The following CRISPLD2 variants were observed in gnomAD, a reference collection of about 807,000 sequenced individuals.
CRISPLD2 encodes the protein cysteine-rich secretory protein LCCL domain-containing 2.
Under a neutral mutation model 71.1 loss-of-function variants are expected in CRISPLD2, and 47 were observed. The ratio of observed to expected loss-of-function variants is 0.66; its 90% confidence interval spans 0.52 to 0.84. The LOEUF (loss-of-function observed/expected upper bound fraction) is 0.84, where lower values mean the gene tolerates loss of function less well. CRISPLD2 is among the 40% of genes least tolerant of loss of function. The pLI, the probability that CRISPLD2 is intolerant of heterozygous loss-of-function variation, is 0.00. For missense variants in CRISPLD2, 830 were observed against 651.1 expected (o/e 1.27, Z -2.99); for synonymous variants, 317 against 250.1 (o/e 1.27, Z -2.52).
At chr16:84,898,126 G>C (rs1277236240) in intron 14 of CRISPLD2, among the ~76,000 whole-genome samples, 1 of 152,134 alleles carries the variant, frequency 6.6e-6, no homozygotes, top group Non-Finnish European at 1.5e-5. Context: ...AACAACACTA[G>C]AAAGAACATT....
rs922986590 is a variant in CRISPLD2 at position 84,873,285 on chromosome 16, C to G, written c.1112+163C>G. On this transcript the variant is annotated intron_variant, in intron 10 of 14. Transcript: ENST00000262424. ...CTGAGGTCAGGAGTTCAAGACCAGCCTGACCAACATGGTGAAAGTCCGTCT... is the reference window on the plus strand; with the variant it reads ...CTGAGGTCAGGAGTTCAAGACCAGCGTGACCAACATGGTGAAAGTCCGTCT... 5 of 695,822 alleles carry G rather than the reference C, an allele frequency of 7.2e-6. No individual in the cohort carries two copies. The African/African-American group carries it at 9.3e-5, about 13-fold the overall frequency. 43.1% of individuals were successfully genotyped at this position (695,822 alleles called of 1,614,324 possible). A position where few individuals can be genotyped will look rare whatever the true frequency, so the allele number is the denominator to read the frequency against.
At chr16:84,874,407 A>C (rs1198234927) in intron 11 of CRISPLD2, among the ~76,000 whole-genome samples, 1 of 152,212 alleles carries the variant, frequency 6.6e-6, no homozygotes, top group African/African-American at 2.4e-5. Flanking sequence ...AGTGTGTGGC[A>C]CTTACTTGCC....
Position 84,872,357 on chromosome 16 carries a change from C to G in CRISPLD2, c.915-85C>G, listed in dbSNP as rs1352966051. 12 of 1,082,944 alleles carry G rather than the reference C, an allele frequency of 1.1e-5. No individual in the cohort carries two copies. The East Asian group carries it at 1.7e-4, about 15-fold the overall frequency. 67.1% of individuals were successfully genotyped at this position (1,082,944 alleles called of 1,614,324 possible). On this transcript the variant is annotated intron_variant, in intron 8 of 14. Coordinates refer to ENST00000262424, the MANE Select transcript of CRISPLD2 (RefSeq NM_031476.4). ...AGCTTTTCTATATTTAGTAATAGAG[C>G]CATCGATGAAAAAAATGATAAACTC... is the stretch of plus-strand genomic sequence containing the variant.
At chr16:84,826,141 G>A (rs1916346454) in intron 1 of CRISPLD2, among the ~76,000 whole-genome samples, 1 of 152,082 alleles carries the variant, frequency 6.6e-6, no homozygotes, top group Non-Finnish European at 1.5e-5. Context: ...CACAAAGGTG[G>A]GGCATGGAGG....
At chr16:84,827,946 C>T (rs940955471) in intron 1 of CRISPLD2, among the ~76,000 whole-genome samples, 11 of 152,186 alleles carry the variant, frequency 7.2e-5, no homozygotes, top group African/African-American at 2.7e-4. Flanking sequence ...CTCCTCTGTT[C>T]ATCTTCGCCA....
chr16:84,823,739 A>G (rs2131754), intron 1 of CRISPLD2, among the ~76,000 whole-genome samples: 66,849 of 152,080 alleles, frequency 0.44, 15,263 homozygotes, highest in African/African-American at 0.55. Flanking sequence ...TGAGTGCTGC[A>G]TCAGCTAAGA....
chr16:84,831,956 A>G (rs1264868979), intron 1 of CRISPLD2, among the ~76,000 whole-genome samples: 9 of 152,136 alleles, frequency 5.9e-5, no homozygotes, highest in Admixed American at 5.9e-4. Flanking sequence ...GCTGCTCTTG[A>G]TCTCCTGACC....
intron 2 of CRISPLD2, among the ~76,000 whole-genome samples, chr16:84,843,854 C>T (rs979045440): frequency 1.3e-5 from 2 of 152,200 alleles, no homozygotes; most frequent in African/African-American, 4.8e-5. Flanking sequence ...GCTACTTAAC[C>T]TCTCCAAGAC....
chr16:84,865,421 G>C (rs1181827362), intron 6 of CRISPLD2, among the ~76,000 whole-genome samples: 1 of 152,194 alleles, frequency 6.6e-6, no homozygotes, highest in Non-Finnish European at 1.5e-5. Context: ...TTCCCAAAGT[G>C]CTGGGATTAC....
intron 6 of CRISPLD2, among the ~76,000 whole-genome samples, chr16:84,862,321 G>C (rs369270838): frequency 2.0e-5 from 3 of 151,978 alleles, no homozygotes; most frequent in Admixed American, 1.3e-4. Flanking sequence ...TCCCATCTCA[G>C]CCTCCCGAGT....
At chr16:84,901,129 T>C (rs1269845145) in intron 14 of CRISPLD2, among the ~76,000 whole-genome samples, 1 of 151,984 alleles carries the variant, frequency 6.6e-6, no homozygotes, top group Non-Finnish European at 1.5e-5. Context: ...TGGAATACTA[T>C]GCAGTGGATA....
intron 2 of CRISPLD2, among the ~76,000 whole-genome samples, chr16:84,840,832 G>A (rs1000634003): frequency 2.6e-5 from 4 of 152,140 alleles, no homozygotes; most frequent in East Asian, 1.9e-4. Context: ...ATGAACCACC[G>A]TGCCCGGCCT....
Position 84,904,638 on chromosome 16 carries a change from A to G in CRISPLD2, c.1440-1950A>G, listed in dbSNP as rs142393649. ...AAAAATTAAAAAAAAAAATGATTGG[A>G]AGTCCATAAAATAAATCATCACACT... is the stretch of plus-strand genomic sequence containing the variant. On this transcript the variant is annotated intron_variant, in intron 14 of 14. Coordinates refer to ENST00000262424, the MANE Select transcript of CRISPLD2 (RefSeq NM_031476.4). Among the ~76,000 whole-genome samples the G allele has an allele frequency of 1.6e-4, 24 of 152,206 alleles. No individual in the cohort carries two copies. The East Asian group carries it at 4.2e-3, about 27-fold the overall frequency.
chr16:84,851,630 A>G (rs1008705968), intron 5 of CRISPLD2, among the ~76,000 whole-genome samples: 1 of 152,222 alleles, frequency 6.6e-6, no homozygotes, highest in African/African-American at 2.4e-5. Flanking sequence ...GGCGCGGCTC[A>G]GCAGCCCACA....
chr16:84,849,666 GAGA>G (rs1204716356), intron 4 of CRISPLD2, 149 bp downstream of exon 4: 2 of 787,886 alleles, frequency 2.5e-6, no homozygotes, highest in Middle Eastern at 3.9e-4. Context: ...GTACAGCTGG[GAGA>G]AGAAGCTGTT....
In CRISPLD2 at chr16:84,906,759, T is replaced by G; in HGVS notation, c.*117T>G. The G allele has an allele frequency of 8.8e-7, 1 of 1,137,760 alleles. No homozygotes were observed. The highest frequency in any genetic ancestry group is 1.3e-6 in the Non-Finnish European group (1 of 755,060). 70.5% of individuals were successfully genotyped at this position (1,137,760 alleles called of 1,614,324 possible). ...TCAGGAAACTTCCTTTGACTGATGT[T>G]CAGTGTCCATCACTTTGTGGCCTGT... On this transcript the variant is annotated 3_prime_UTR_variant, in exon 15 of 15. Transcript: ENST00000262424.
chr16:84,884,333 C>G (rs557308534), intron 13 of CRISPLD2, among the ~76,000 whole-genome samples: 18 of 152,284 alleles, frequency 1.2e-4, no homozygotes, highest in African/African-American at 4.3e-4. Context: ...AATGACAACA[C>G]CTACCCGGCA....
intron 2 of CRISPLD2, among the ~76,000 whole-genome samples, chr16:84,840,986 T>C (rs1916755136): frequency 6.6e-6 from 1 of 152,052 alleles, no homozygotes. Flanking sequence ...TATAAAGAGG[T>C]GGACAAAGCA....
Position 84,867,088 on chromosome 16 carries a change from A to G in CRISPLD2, c.853+48A>G, listed in dbSNP as rs576443378. 1.9e-6 allele frequency: 3 copies of G among 1,592,534 alleles called. No individual in the cohort carries two copies. The African/African-American group carries it at 4.0e-5, about 21-fold the overall frequency. ...CCCTCCTGCCCTCCCAGCCACCTCCAAAGGGGACGGGGTGGGTGGAGGAGG... is the reference window on the plus strand; with the variant it reads ...CCCTCCTGCCCTCCCAGCCACCTCCGAAGGGGACGGGGTGGGTGGAGGAGG... On this transcript the variant is annotated intron_variant, in intron 7 of 14. Transcript: ENST00000262424.
Sources: gnomAD v4.1 joint callset for allele counts (sites outside exome capture counted in the v4.1 genomes callset) on GRCh38, gnomAD v4.1.1 for gene constraint, MANE v1.5 for transcripts, NCBI Gene and HGNC (gene_info 2026-07-23, HGNC 2026-07-21) for gene names.